SAMD13: variants seen among roughly 807,000 people sequenced by gnomAD.
The protein encoded by SAMD13 is sterile alpha motif domain-containing protein 13.
A neutral mutation model predicts 12.4 loss-of-function variants in SAMD13; 9 were observed. The observed-to-expected ratio is 0.72, with a 90% CI of 0.44 to 1.26. The LOEUF is 1.26. Among genes scored for constraint, SAMD13 ranks in the 50% most tolerant of loss-of-function variants. The pLI, the probability that SAMD13 is intolerant of heterozygous loss-of-function variation, is 0.00. For synonymous variants in SAMD13, 46 were observed against 45.4 expected, an observed-to-expected ratio of 1.01 and a Z score of -0.05; for missense variants, 84 against 119.6, an observed-to-expected ratio of 0.70 and a Z score of 1.39.
At position 84,325,724 on chromosome 1, in the gene SAMD13, G is replaced by T. The variant is rs1399316598; in HGVS notation, c.141G>T (p.Glu47Asp). 6.2e-7 allele frequency: 1 copy of T among 1,611,810 alleles called. No homozygotes were observed. Among genetic ancestry groups the T allele is most frequent in the Admixed American group, 1.7e-5 (1 of 59,972 alleles). ...ATTTCCGAACCGTGGGATTTGAGGA[G>T]CAAGCTAGTGCTTTTCAGGAACAGG... ...VNYFRTVGFE[E>D]QASAFQEQEI... Residue 47 changes from glutamate (E) to aspartate (D), a missense_variant, in exon 3 of 4, where the codon GAG (glutamate) becomes GAT (aspartate). By Grantham distance (45) the Glu-to-Asp change is conservative (BLOSUM62 2). Coordinates refer to ENST00000394834, the MANE Select transcript of SAMD13 (RefSeq NM_001134663.2).
In SAMD13 at chr1:84,349,866, G is replaced by T; in HGVS notation, c.*92G>T. The T allele has an allele frequency of 6.7e-7, 1 of 1,488,602 alleles. No individual in the cohort carries two copies. The allele number at this position is 1,488,602 out of a possible 1,614,324, so 92.2% of individuals were successfully genotyped here. A position where few individuals can be genotyped will look rare whatever the true frequency, so the allele number is the denominator to read the frequency against. On this transcript the variant is annotated 3_prime_UTR_variant, in exon 4 of 4. Coordinates refer to ENST00000394834, the MANE Select transcript of SAMD13 (RefSeq NM_001134663.2). ...AACTTTGTAAACAGAATACATACAT[G>T]TGTATATGTAAAGAATTTCAATCAA... is the stretch of plus-strand genomic sequence containing the variant.
intron 1 of SAMD13, chr1:84,302,700 T>C: frequency 2.0e-6 from 2 of 985,544 alleles, no homozygotes; most frequent in South Asian, 9.4e-5. Context: ...GGTAGGGGAA[T>C]ACTTGCTGAC....
chr1:84,307,279 C>T (rs1373777581), intron 2 of SAMD13, among the ~76,000 whole-genome samples: 4 of 152,228 alleles, frequency 2.6e-5, no homozygotes, highest in South Asian at 4.1e-4. Context: ...GCTTTGCATT[C>T]GTGTTCACTA....
intron 3 of SAMD13, among the ~76,000 whole-genome samples, chr1:84,336,527 C>A (rs1679293756): frequency 6.6e-6 from 1 of 152,142 alleles, no homozygotes; most frequent in South Asian, 2.1e-4. Context: ...ATCAGATCTC[C>A]TGAGACTTAT....
intron 3 of SAMD13, chr1:84,345,265 A>G (rs924710458): frequency 2.2e-6 from 1 of 454,836 alleles, no homozygotes; most frequent in African/African-American, 2.0e-5. Context: ...AGATTCCTCC[A>G]CATCATTGGT....
chr1:84,328,257 C>G (rs911365740), intron 3 of SAMD13, among the ~76,000 whole-genome samples: 1 of 152,118 alleles, frequency 6.6e-6, no homozygotes, highest in African/African-American at 2.4e-5. Flanking sequence ...TCATTCTGTC[C>G]CAATGGACAC....
chr1:84,308,292 A>G (rs527274601), intron 2 of SAMD13, among the ~76,000 whole-genome samples: 6 of 152,212 alleles, frequency 3.9e-5, no homozygotes, highest in Non-Finnish European at 4.4e-5. Context: ...GACAGGGCAG[A>G]GTTAGATTAT....
chr1:84,348,588 A>G (rs1679583241), intron 3 of SAMD13, among the ~76,000 whole-genome samples: 1 of 152,202 alleles, frequency 6.6e-6, no homozygotes, highest in African/African-American at 2.4e-5. Context: ...CATAGCAAAC[A>G]ATAACAAAAA....
chr1:84,317,984 G>A (rs1379061547), intron 2 of SAMD13, among the ~76,000 whole-genome samples: 20 of 151,930 alleles, frequency 1.3e-4, no homozygotes, highest in Admixed American at 1.3e-3. Flanking sequence ...AACTATTTAT[G>A]GTAGTCTGTA....
intron 3 of SAMD13, among the ~76,000 whole-genome samples, chr1:84,342,729 G>A (rs1679455695): frequency 1.3e-5 from 2 of 152,128 alleles, no homozygotes; most frequent in African/African-American, 4.8e-5. Flanking sequence ...AACCTTAAAT[G>A]TAAAACCCCA....
At chr1:84,326,896 T>C (rs1254873363) in intron 3 of SAMD13, among the ~76,000 whole-genome samples, 3 of 152,170 alleles carry the variant, frequency 2.0e-5, no homozygotes, top group African/African-American at 7.2e-5. Context: ...AGTATTTTTT[T>C]CCTAATTTGG....
rs562473452 is a variant in SAMD13 at position 84,314,080 on chromosome 1, A to G, written c.53+10793A>G. Reference sequence around the variant, plus strand: ...AGGTAGACTTAGAAATTATTATGGTATTGCTAGAGTTTCAAAACTCTGACT... The same window carrying G: ...AGGTAGACTTAGAAATTATTATGGTGTTGCTAGAGTTTCAAAACTCTGACT... On this transcript the variant is annotated intron_variant, in intron 2 of 3. Transcript: ENST00000394834. 5.9e-5 allele frequency among the ~76,000 whole-genome samples: 9 copies of G among 152,314 alleles called. No homozygotes were observed. In the South Asian group the frequency reaches 1.2e-3, roughly 21 times the overall value.
At chr1:84,348,336 CA>C (rs1679575842) in intron 3 of SAMD13, among the ~76,000 whole-genome samples, 1 of 152,162 alleles carries the variant, frequency 6.6e-6, no homozygotes, top group Non-Finnish European at 1.5e-5. Context: ...GCCTGGCAAG[CA>C]AGGCACATGA....
At chr1:84,346,193 T>G (rs920456072) in intron 3 of SAMD13, among the ~76,000 whole-genome samples, 5 of 152,152 alleles carry the variant, frequency 3.3e-5, no homozygotes, top group Non-Finnish European at 7.4e-5. Context: ...TAATAAGCAA[T>G]AAAGTAGTGT....
At chr1:84,306,859 T>TAATAATAATAAAAC (rs1558437484) in intron 2 of SAMD13, among the ~76,000 whole-genome samples, 1 of 145,482 alleles carries the variant, frequency 6.9e-6, no homozygotes, top group Non-Finnish European at 1.5e-5. Flanking sequence ...AATAATAAAA[T>TAATAATAATAAAAC]AAAATAAGAA....
intron 3 of SAMD13, among the ~76,000 whole-genome samples, chr1:84,327,120 G>A (rs1318401986): frequency 1.3e-5 from 2 of 152,128 alleles, no homozygotes; most frequent in East Asian, 1.9e-4. Flanking sequence ...ACACATGTCT[G>A]TAAAAAGATT....
intron 1 of SAMD13, chr1:84,302,145 T>TA (rs1053795892): frequency 1.3e-5 from 2 of 152,194 alleles, no homozygotes; most frequent in Admixed American, 1.3e-4. Context: ...ATCCCACACT[T>TA]ACAGTGTTAT....
chr1:84,301,675 T>C (rs1678456736), upstream of SAMD13: 1 of 985,442 alleles, frequency 1.0e-6, no homozygotes, highest in Admixed American at 6.1e-5. Context: ...TGGTTTTATT[T>C]CACTGTGTCA....
At chr1:84,315,287 T>C (rs1678808923) in intron 2 of SAMD13, among the ~76,000 whole-genome samples, 1 of 152,170 alleles carries the variant, frequency 6.6e-6, no homozygotes, top group African/African-American at 2.4e-5. Context: ...ATTCTATTCT[T>C]TGCTTCTATG....
Sources: gnomAD v4.1 joint callset for allele counts (sites outside exome capture counted in the v4.1 genomes callset) on GRCh38, gnomAD v4.1.1 for gene constraint, MANE v1.5 for transcripts, NCBI Gene and HGNC (gene_info 2026-07-23, HGNC 2026-07-21) for gene names.